The following THADA variants were observed in gnomAD, a reference collection of about 807,000 sequenced individuals.
THADA encodes the protein THADA armadillo repeat containing, also known as tRNA (32-2'-O)-methyltransferase regulator THADA.
THADA carries 213 observed loss-of-function variants against 219.8 expected under a neutral mutation model. That is an observed-to-expected ratio of 0.97 (90% CI 0.87 to 1.09). THADA has a LOEUF of 1.09. Ranked by LOEUF, THADA falls within the 50% of genes least tolerant of loss-of-function variation. The pLI, the probability that THADA is intolerant of heterozygous loss-of-function variation, is 0.00. For synonymous variants in THADA, 1,018 were observed against 828.9 expected, an observed-to-expected ratio of 1.23 and a Z score of -3.92; for missense variants, 2,956 against 2,311.3, an observed-to-expected ratio of 1.28 and a Z score of -5.72.
At chr2:43,270,479 T>C (rs1396861953) in intron 36 of THADA, among the ~76,000 whole-genome samples, 2 of 152,228 alleles carry the variant, frequency 1.3e-5, no homozygotes, top group East Asian at 1.9e-4. Flanking sequence ...AACACAACAG[T>C]GAGTTTAGAA....
intron 29 of THADA, among the ~76,000 whole-genome samples, chr2:43,389,339 A>G (rs962119365): frequency 2.6e-5 from 4 of 152,296 alleles, no homozygotes; most frequent in Non-Finnish European, 4.4e-5. Flanking sequence ...ATGTAAAATA[A>G]TAGCTAAAAG....
intron 31 of THADA, among the ~76,000 whole-genome samples, chr2:43,294,818 G>A (rs575163809): frequency 1.3e-5 from 2 of 151,274 alleles, no homozygotes; most frequent in Non-Finnish European, 3.0e-5. Flanking sequence ...AAGCCAAGGT[G>A]ATCATTTAAA....
intron 22 of THADA, among the ~76,000 whole-genome samples, chr2:43,510,203 G>A (rs912866125): frequency 2.3e-4 from 35 of 152,118 alleles, no homozygotes; most frequent in Middle Eastern, 3.2e-3. Context: ...GAGTACATAG[G>A]AATAAAAATC....
At chr2:43,576,280 C>A (rs1699847416) in intron 10 of THADA, among the ~76,000 whole-genome samples, 1 of 152,140 alleles carries the variant, frequency 6.6e-6, no homozygotes, top group South Asian at 2.1e-4. Context: ...TATTATCAAG[C>A]TGTATATATG....
Position 43,461,677 on chromosome 2 carries a change from C to T in THADA, c.3836+23557G>A, listed in dbSNP as rs1683659281. On this transcript the variant is annotated intron_variant, in intron 26 of 37. Coordinates refer to ENST00000405975, the MANE Select transcript of THADA (RefSeq NM_022065.5). ...TCTGCTAACTCAGCAGTCCCATGGACCTTCAGAGTTGTCCCTTGTGCATCG... is the reference window on the plus strand; with the variant it reads ...TCTGCTAACTCAGCAGTCCCATGGATCTTCAGAGTTGTCCCTTGTGCATCG... Among the ~76,000 whole-genome samples, 4 of 152,174 alleles carry T rather than the reference C, an allele frequency of 2.6e-5. No individual in the cohort carries two copies. The South Asian group carries it at 8.3e-4, about 32-fold the overall frequency.
intron 28 of THADA, among the ~76,000 whole-genome samples, chr2:43,420,889 G>A (rs1282812907): frequency 6.6e-6 from 1 of 152,128 alleles, no homozygotes; most frequent in African/African-American, 2.4e-5. Flanking sequence ...AAATTCAGAG[G>A]GCCATGAGTA....
chr2:43,471,933 G>A (rs1174560455), intron 26 of THADA, among the ~76,000 whole-genome samples: 1 of 152,150 alleles, frequency 6.6e-6, no homozygotes, highest in African/African-American at 2.4e-5. Context: ...ACATAATGAA[G>A]ATATTAGATC....
intron 11 of THADA, among the ~76,000 whole-genome samples, chr2:43,573,761 T>C (rs1247757742): frequency 6.6e-6 from 1 of 152,250 alleles, no homozygotes; most frequent in African/African-American, 2.4e-5. Flanking sequence ...TTAAGATTTA[T>C]ATGATGTGTC....
At chr2:43,340,276 C>G (rs1170895039) in intron 30 of THADA, among the ~76,000 whole-genome samples, 4 of 152,234 alleles carry the variant, frequency 2.6e-5, no homozygotes, top group Admixed American at 2.0e-4. Context: ...CAGTCCTTTC[C>G]TGAAGCCATG....
At chr2:43,391,601 T>C (rs1428408623) in intron 29 of THADA, among the ~76,000 whole-genome samples, 1 of 152,166 alleles carries the variant, frequency 6.6e-6, no homozygotes, top group Admixed American at 6.5e-5. Context: ...GTCCTTTCTT[T>C]AGTTTTTTTT....
chr2:43,560,216 C>T lies in THADA; in HGVS notation c.2463+18G>A. 6.2e-7 allele frequency: 1 copy of T among 1,602,460 alleles called. No homozygotes were observed. The highest frequency in any genetic ancestry group is 8.5e-7 in the Non-Finnish European group (1 of 1,174,926). On this transcript the variant is annotated intron_variant, in intron 16 of 37. Coordinates refer to ENST00000405975, the MANE Select transcript of THADA (RefSeq NM_022065.5). Reference sequence around the variant, plus strand: ...TTTCCATGCATATACCACATTTATACTAGAAAAGTCCTGATACCTGAAAAT... The same window carrying T: ...TTTCCATGCATATACCACATTTATATTAGAAAAGTCCTGATACCTGAAAAT...
At chr2:43,558,608 C>A (rs1477278532) in intron 16 of THADA, among the ~76,000 whole-genome samples, 1 of 152,134 alleles carries the variant, frequency 6.6e-6, no homozygotes, top group Non-Finnish European at 1.5e-5. Flanking sequence ...CTACTTCTCC[C>A]ATGCTGGATG....
At chr2:43,326,250 C>T (rs1294746512) in intron 30 of THADA, among the ~76,000 whole-genome samples, 2 of 151,326 alleles carry the variant, frequency 1.3e-5, no homozygotes, top group African/African-American at 2.4e-5. Flanking sequence ...TGATGGGTGC[C>T]CCAAAAGGAG....
chr2:43,344,024 G>A (rs1468122139), intron 30 of THADA, 98 bp downstream of exon 30: 3 of 820,130 alleles, frequency 3.7e-6, no homozygotes, highest in Non-Finnish European at 6.0e-6. Flanking sequence ...GAAAACTCAT[G>A]CCAATGACTT....
chr2:43,513,908 G>T (rs1251340461), intron 22 of THADA, among the ~76,000 whole-genome samples: 5 of 151,906 alleles, frequency 3.3e-5, no homozygotes, highest in African/African-American at 1.2e-4. Context: ...TATTTAAGAA[G>T]AGTTAACTGG....
intron 26 of THADA, among the ~76,000 whole-genome samples, chr2:43,446,156 A>G (rs767965862): frequency 7.5e-4 from 114 of 152,372 alleles, no homozygotes; most frequent in Non-Finnish European, 1.4e-3. Flanking sequence ...ATGTTCCTAA[A>G]AAATCATTTC....
At chr2:43,358,492 C>T (rs1268512110) in intron 29 of THADA, among the ~76,000 whole-genome samples, 1 of 152,210 alleles carries the variant, frequency 6.6e-6, no homozygotes, top group East Asian at 1.9e-4. Context: ...AGATAGGTGG[C>T]AGCCTTCTTA....
chr2:43,236,311 G>T (rs1036655083), intron 36 of THADA, among the ~76,000 whole-genome samples: 1 of 152,240 alleles, frequency 6.6e-6, no homozygotes, highest in Non-Finnish European at 1.5e-5. Flanking sequence ...GGAAGGATGA[G>T]TTGGATTTAG....
intron 28 of THADA, among the ~76,000 whole-genome samples, chr2:43,424,524 T>C (rs1165958975): frequency 6.6e-6 from 1 of 152,216 alleles, no homozygotes; most frequent in African/African-American, 2.4e-5. Context: ...GCCCACTCTT[T>C]ACCACAATCA....
Sources: gnomAD v4.1 joint callset for allele counts (sites outside exome capture counted in the v4.1 genomes callset) on GRCh38, gnomAD v4.1.1 for gene constraint, MANE v1.5 for transcripts, NCBI Gene and HGNC (gene_info 2026-07-23, HGNC 2026-07-21) for gene names.